IMMP2L: variants seen among roughly 807,000 people sequenced by gnomAD.
IMMP2L encodes the protein mitochondrial inner membrane protease subunit 2.
IMMP2L carries 18 observed loss-of-function variants against 19.3 expected under a neutral mutation model. That is an observed-to-expected ratio of 0.93 (90% CI 0.64 to 1.38). The LOEUF (loss-of-function observed/expected upper bound fraction) is 1.38, where lower values mean the gene tolerates loss of function less well. IMMP2L is among the 40% of genes most tolerant of loss of function. IMMP2L has a pLI of 0.00. For synonymous variants in IMMP2L, 76 were observed against 73.0 expected (o/e 1.04, Z -0.21); for missense variants, 233 against 218.2 (o/e 1.07, Z -0.43).
At position 110,925,381 on chromosome 7, in the gene IMMP2L, C is replaced by T. The variant is rs187875718; in HGVS notation, c.305+38119G>A. On this transcript the variant is annotated intron_variant, in intron 4 of 5. Transcript: ENST00000405709. Reference sequence around the variant, plus strand: ...CAAACACTTCAAAGAACCTATCCCCCGGATACTCTCATAGCTGTACCAGGA... The same window carrying T: ...CAAACACTTCAAAGAACCTATCCCCTGGATACTCTCATAGCTGTACCAGGA... Among the ~76,000 whole-genome samples, 55 of 152,124 alleles carry T rather than the reference C, an allele frequency of 3.6e-4. No homozygotes were observed. In the South Asian group the frequency reaches 8.7e-3, roughly 24 times the overall value.
chr7:110,939,205 AATGGG>A (rs1220302028), intron 4 of IMMP2L, among the ~76,000 whole-genome samples: 3 of 152,084 alleles, frequency 2.0e-5, no homozygotes, highest in Non-Finnish European at 4.4e-5. Context: ...ACTGGTCTGA[AATGGG>A]ACCAAGACTT....
intron 1 of IMMP2L, among the ~76,000 whole-genome samples, 192 bp downstream of exon 1, chr7:111,561,659 C>T (rs922029739): frequency 1.3e-5 from 2 of 152,098 alleles, no homozygotes; most frequent in Non-Finnish European, 2.9e-5. Flanking sequence ...ACTCTATAGA[C>T]TGTGTGAGGC....
intron 3 of IMMP2L, among the ~76,000 whole-genome samples, chr7:111,473,934 A>G (rs1396381926): frequency 6.6e-6 from 1 of 152,154 alleles, no homozygotes; most frequent in Non-Finnish European, 1.5e-5. Context: ...GCCCATCAAC[A>G]GTGGACTGAA....
chr7:111,121,851 G>A (rs1350265698), intron 3 of IMMP2L, among the ~76,000 whole-genome samples: 3 of 151,988 alleles, frequency 2.0e-5, no homozygotes, highest in Non-Finnish European at 4.4e-5. Context: ...ATGATAAACT[G>A]GATTAAGAAA....
chr7:110,886,464 A>T (rs1810229722), intron 5 of IMMP2L, 129 bp downstream of exon 5: 1 of 614,524 alleles, frequency 1.6e-6, no homozygotes, highest in Non-Finnish European at 3.0e-6. Context: ...GAAATTTTCA[A>T]ACATAAACTA....
At chr7:111,043,158 C>T (rs1375685304) in intron 3 of IMMP2L, among the ~76,000 whole-genome samples, 1 of 152,104 alleles carries the variant, frequency 6.6e-6, no homozygotes, top group Non-Finnish European at 1.5e-5. Context: ...TAGTAAGTCT[C>T]AAAGACAATC....
At chr7:111,499,359 T>C (rs754670324) in intron 2 of IMMP2L, among the ~76,000 whole-genome samples, 4 of 152,078 alleles carry the variant, frequency 2.6e-5, no homozygotes, top group Admixed American at 1.3e-4. Context: ...CTAGCTCCAA[T>C]GAATCATATC....
intron 3 of IMMP2L, among the ~76,000 whole-genome samples, chr7:111,319,452 A>G (rs1044747691): frequency 6.6e-6 from 1 of 152,138 alleles, no homozygotes; most frequent in Middle Eastern, 3.4e-3. Context: ...TCTAAGTAGA[A>G]CTCCTTTTGG....
chr7:111,108,255 C>G (rs1210737271), intron 3 of IMMP2L, among the ~76,000 whole-genome samples: 2 of 152,124 alleles, frequency 1.3e-5, no homozygotes, highest in Non-Finnish European at 2.9e-5. Context: ...TTTCTCAGTA[C>G]TTAACACTCA....
chr7:111,353,177 G>C (rs1302738357), intron 3 of IMMP2L, among the ~76,000 whole-genome samples: 2 of 152,150 alleles, frequency 1.3e-5, no homozygotes, highest in Non-Finnish European at 2.9e-5. Context: ...AGGGGCCTTA[G>C]ATAACGCTTG....
At chr7:111,296,873 C>A (rs943230092) in intron 3 of IMMP2L, among the ~76,000 whole-genome samples, 3 of 152,024 alleles carry the variant, frequency 2.0e-5, no homozygotes, top group Non-Finnish European at 4.4e-5. Flanking sequence ...ACTCTCAATA[C>A]ATGTAACACA....
chr7:111,161,906 A>T (rs2129607014), intron 3 of IMMP2L, among the ~76,000 whole-genome samples: 1 of 152,218 alleles, frequency 6.6e-6, no homozygotes, highest in Admixed American at 6.5e-5. Flanking sequence ...TCTCCACTTC[A>T]AATAAAGTAT....
intron 3 of IMMP2L, among the ~76,000 whole-genome samples, chr7:111,130,403 G>A (rs1188796114): frequency 6.6e-6 from 1 of 152,092 alleles, no homozygotes; most frequent in Non-Finnish European, 1.5e-5. Flanking sequence ...ACAGTACTTT[G>A]TGTGTTTATA....
chr7:110,784,259 A>G (rs926071641), intron 5 of IMMP2L, among the ~76,000 whole-genome samples: 1 of 151,904 alleles, frequency 6.6e-6, no homozygotes, highest in Non-Finnish European at 1.5e-5. Flanking sequence ...CTTTTAATGC[A>G]TCTGTCTGCA....
intron 3 of IMMP2L, among the ~76,000 whole-genome samples, chr7:111,351,487 C>A (rs1326490365): frequency 6.6e-6 from 1 of 152,146 alleles, no homozygotes; most frequent in Non-Finnish European, 1.5e-5. Context: ...CCGCACCCGG[C>A]CCATCTTTTT....
chr7:111,411,929 C>G (rs1421859043), intron 3 of IMMP2L: 1 of 170,626 alleles, frequency 5.9e-6, no homozygotes, highest in Admixed American at 5.7e-5. Context: ...TTGCAGCTCT[C>G]CCAACTACAG....
chr7:110,928,399 A>T (rs1413196975), intron 4 of IMMP2L, among the ~76,000 whole-genome samples: 2 of 130,778 alleles, frequency 1.5e-5, no homozygotes, highest in African/African-American at 5.7e-5. Context: ...ACACACACAC[A>T]CAGTTTCAGC....
intron 2 of IMMP2L, among the ~76,000 whole-genome samples, chr7:111,507,929 C>T (rs1845087808): frequency 6.6e-6 from 1 of 152,096 alleles, no homozygotes; most frequent in South Asian, 2.1e-4. Flanking sequence ...AAGTACTGAC[C>T]AAGCTCCTAC....
In IMMP2L at chr7:110,876,028, A is replaced by G. The variant is rs1165190048; in HGVS notation, c.408+10565T>C. Among the ~76,000 whole-genome samples the G allele has an allele frequency of 3.3e-5, 5 of 152,284 alleles. No homozygotes were observed. In the East Asian group the frequency reaches 5.8e-4, roughly 18 times the overall value. On this transcript the variant is annotated intron_variant, in intron 5 of 5. Transcript: ENST00000405709. ...GTGAACATTCTATATCATTTCTTCA[A>G]AAAAACGGATACATTTCTTTATGAA... is the stretch of plus-strand genomic sequence containing the variant.
Sources: allele counts gnomAD v4.1 joint callset (sites outside exome capture counted in the v4.1 genomes callset), GRCh38; gene constraint gnomAD v4.1.1; transcripts MANE v1.5; gene names NCBI Gene and HGNC (gene_info 2026-07-23, HGNC 2026-07-21).